Variants in CAMKMT observed in about 807,000 individuals in gnomAD.
CAMKMT encodes calmodulin-lysine N-methyltransferase, also known as CaM KMT.
Under a neutral mutation model 48.0 loss-of-function variants are expected in CAMKMT, and 53 were observed. That is an observed-to-expected ratio of 1.10 (90% CI 0.89 to 1.39). The LOEUF (loss-of-function observed/expected upper bound fraction) is 1.39. Ranked by LOEUF, CAMKMT falls within the 40% of genes most tolerant of loss-of-function variation. CAMKMT has a pLI of 0.00. For missense variants in CAMKMT, 428 were observed against 402.7 expected (o/e 1.06, Z -0.54); for synonymous variants, 165 against 152.3 (o/e 1.08, Z -0.61).
chr2:44,699,570 A>C (rs1677147421), intron 3 of CAMKMT, among the ~76,000 whole-genome samples: 1 of 152,148 alleles, frequency 6.6e-6, no homozygotes. Context: ...GAGCATAAGC[A>C]GAGTAGATTT....
At chr2:44,723,496 C>G (rs944467854) in intron 7 of CAMKMT, among the ~76,000 whole-genome samples, 1 of 151,850 alleles carries the variant, frequency 6.6e-6, no homozygotes. Context: ...GAGGCTGAGG[C>G]AGGAGAATTG....
chr2:44,638,354 T>C (rs1251250309), intron 3 of CAMKMT, among the ~76,000 whole-genome samples: 2 of 152,142 alleles, frequency 1.3e-5, no homozygotes, highest in South Asian at 2.1e-4. Flanking sequence ...AGATTCCCCC[T>C]CGTAAAATCT....
chr2:44,475,519 T>C (rs1318973807), intron 3 of CAMKMT, among the ~76,000 whole-genome samples: 9 of 152,110 alleles, frequency 5.9e-5, no homozygotes, highest in Admixed American at 5.9e-4. Context: ...GGTTTCACCA[T>C]GTTGGCCAGG....
intron 3 of CAMKMT, among the ~76,000 whole-genome samples, chr2:44,582,998 G>C (rs1428761084): frequency 6.6e-6 from 1 of 151,766 alleles, no homozygotes; most frequent in East Asian, 1.9e-4. Context: ...GATCTTTTTT[G>C]GAAATTCGAA....
At chr2:44,640,683 A>G (rs1480983807) in intron 3 of CAMKMT, among the ~76,000 whole-genome samples, 1 of 152,208 alleles carries the variant, frequency 6.6e-6, no homozygotes, top group Non-Finnish European at 1.5e-5. Context: ...GTGCTTTGCT[A>G]TTATTAGTAC....
intron 3 of CAMKMT, among the ~76,000 whole-genome samples, chr2:44,477,436 A>G (rs1027434433): frequency 1.3e-5 from 2 of 152,268 alleles, no homozygotes; most frequent in African/African-American, 4.8e-5. Flanking sequence ...TTTTTAAACC[A>G]TATTTCCCCA....
At chr2:44,447,727 C>T (rs1028173756) in intron 3 of CAMKMT, among the ~76,000 whole-genome samples, 2 of 152,148 alleles carry the variant, frequency 1.3e-5, no homozygotes, top group Non-Finnish European at 2.9e-5. Context: ...CATGGTGAAG[C>T]CTGTTGTCAG....
At chr2:44,688,934 A>C (rs921459724) in intron 3 of CAMKMT, among the ~76,000 whole-genome samples, 6 of 152,226 alleles carry the variant, frequency 3.9e-5, no homozygotes, top group Non-Finnish European at 5.9e-5. Context: ...ACCTTGCATA[A>C]ATGTGTAGAG....
intron 3 of CAMKMT, among the ~76,000 whole-genome samples, chr2:44,440,640 C>T (rs1221156461): frequency 6.6e-6 from 1 of 152,036 alleles, no homozygotes; most frequent in Non-Finnish European, 1.5e-5. Flanking sequence ...ATGCACATTT[C>T]AAGGGCTCAG....
rs553317400 is a variant in CAMKMT at position 44,532,959 on chromosome 2, T to C, written c.376+142654T>C. 3.3e-5 allele frequency among the ~76,000 whole-genome samples: 5 copies of C among 150,486 alleles called. No homozygotes were observed. The South Asian group carries it at 1.1e-3, about 32-fold the overall frequency. On this transcript the variant is annotated intron_variant, in intron 3 of 10. Transcript: ENST00000378494. The stretch of plus-strand genomic sequence containing the variant: ...TCCTGAGTAGCTGGGATTACAGGCA[T>C]GCACCACCACACCCGGCTAATTTTT...
intron 3 of CAMKMT, among the ~76,000 whole-genome samples, chr2:44,664,878 A>G (rs564963289): frequency 1.2e-4 from 19 of 152,166 alleles, no homozygotes; most frequent in Non-Finnish European, 2.5e-4. Flanking sequence ...AGAATGCAAG[A>G]AACTGGCAGG....
At chr2:44,442,632 G>T (rs555469344) in intron 3 of CAMKMT, among the ~76,000 whole-genome samples, 1 of 152,122 alleles carries the variant, frequency 6.6e-6, no homozygotes, top group African/African-American at 2.4e-5. Context: ...TTCTCTGACC[G>T]ACTTCTACTG....
chr2:44,492,996 C>T (rs928659122), intron 3 of CAMKMT, among the ~76,000 whole-genome samples: 12 of 151,388 alleles, frequency 7.9e-5, no homozygotes, highest in Middle Eastern at 3.2e-3. Flanking sequence ...TGGGTTCAAG[C>T]GATTCTCCTG....
chr2:44,535,713 A>C (rs1043863063), intron 3 of CAMKMT, among the ~76,000 whole-genome samples: 5 of 152,212 alleles, frequency 3.3e-5, no homozygotes, highest in African/African-American at 1.2e-4. Context: ...AACTCTCAGC[A>C]AACTTGCTCT....
chr2:44,470,119 C>A (rs1007158914), intron 3 of CAMKMT, among the ~76,000 whole-genome samples: 4 of 151,774 alleles, frequency 2.6e-5, no homozygotes, highest in African/African-American at 9.7e-5. Flanking sequence ...ATATTTCCTG[C>A]GGCTCATTTT....
intron 3 of CAMKMT, among the ~76,000 whole-genome samples, chr2:44,619,518 A>G (rs1672066937): frequency 6.6e-6 from 1 of 152,148 alleles, no homozygotes; most frequent in Non-Finnish European, 1.5e-5. Context: ...TATATAAATA[A>G]TTCATGTTTT....
At chr2:44,494,191 G>A (rs1242666647) in intron 3 of CAMKMT, among the ~76,000 whole-genome samples, 2 of 152,084 alleles carry the variant, frequency 1.3e-5, no homozygotes, top group East Asian at 1.9e-4. Context: ...AGAAACCCTC[G>A]CTCAAAACAA....
chr2:44,577,478 G>C (rs1041134622), intron 3 of CAMKMT, among the ~76,000 whole-genome samples: 1 of 152,128 alleles, frequency 6.6e-6, no homozygotes, highest in South Asian at 2.1e-4. Flanking sequence ...AATTAGCCAG[G>C]TGTGGTAGTA....
chr2:44,384,547 G>A (rs1194757298), intron 2 of CAMKMT, among the ~76,000 whole-genome samples: 1 of 127,286 alleles, frequency 7.9e-6, no homozygotes, highest in Non-Finnish European at 1.6e-5. Context: ...TCTTGGTCAT[G>A]AAATCCTTGC....
Sources: gnomAD v4.1 joint callset for allele counts (sites outside exome capture counted in the v4.1 genomes callset) on GRCh38, gnomAD v4.1.1 for gene constraint, MANE v1.5 for transcripts, NCBI Gene and HGNC (gene_info 2026-07-23, HGNC 2026-07-21) for gene names.